SPAM1: variants seen among roughly 807,000 people sequenced by gnomAD.
SPAM1 encodes the protein hyaluronidase PH-20.
SPAM1 carries 22 observed loss-of-function variants against 29.6 expected under a neutral mutation model. The observed-to-expected ratio is 0.74, with a 90% confidence interval of 0.53 to 1.06. SPAM1 has a LOEUF of 1.06. Ranked by LOEUF, SPAM1 falls within the 50% of genes least tolerant of loss-of-function variation. The pLI is 0.00. For synonymous variants in SPAM1, 194 were observed against 204.6 expected (o/e 0.95, Z 0.44); for missense variants, 534 against 604.0 (o/e 0.88, Z 1.21).
intron 1 of SPAM1, among the ~76,000 whole-genome samples, chr7:123,930,696 G>A (rs1240884447): frequency 2.6e-5 from 4 of 152,182 alleles, no homozygotes; most frequent in Non-Finnish European, 5.9e-5. Flanking sequence ...ACTCCTTATA[G>A]ACTGGGACCT....
chr7:123,927,155 G>A (rs1807913078), intron 1 of SPAM1, among the ~76,000 whole-genome samples: 1 of 152,126 alleles, frequency 6.6e-6, no homozygotes, highest in African/African-American at 2.4e-5. Flanking sequence ...AGAATTTATT[G>A]TTTGTAGGGC....
At chr7:123,929,895 ATTTT>A (rs71163712) in intron 1 of SPAM1, among the ~76,000 whole-genome samples, 1 of 119,826 alleles carries the variant, frequency 8.3e-6, no homozygotes, top group African/African-American at 3.1e-5. Context: ...GTGTTTAGGG[ATTTT>A]TTTTTTTTTT....
downstream of SPAM1, among the ~76,000 whole-genome samples, chr7:123,961,328 C>A (rs980696051): frequency 6.6e-6 from 1 of 151,934 alleles, no homozygotes; most frequent in South Asian, 2.1e-4. Flanking sequence ...CTCCTCCCAT[C>A]CTTCCTACTC....
At chr7:123,930,662 G>A (rs1055802232) in intron 1 of SPAM1, among the ~76,000 whole-genome samples, 2 of 152,170 alleles carry the variant, frequency 1.3e-5, no homozygotes, top group African/African-American at 4.8e-5. Flanking sequence ...CACTGGCAAA[G>A]CAACAAGGGT....
At chr7:123,937,418 G>C (rs1028230076) in intron 1 of SPAM1, among the ~76,000 whole-genome samples, 1 of 151,842 alleles carries the variant, frequency 6.6e-6, no homozygotes, top group Admixed American at 6.6e-5. Context: ...TGGATAACAT[G>C]GTGAAATCCC....
intron 1 of SPAM1, among the ~76,000 whole-genome samples, chr7:123,930,579 A>C (rs1039638984): frequency 6.6e-6 from 1 of 152,220 alleles, no homozygotes; most frequent in Non-Finnish European, 1.5e-5. Flanking sequence ...TGTCATACAC[A>C]AGTGAGATGC....
At chr7:123,960,790 C>T (rs899389931), downstream of SPAM1, among the ~76,000 whole-genome samples, 4 of 151,602 alleles carry the variant, frequency 2.6e-5, no homozygotes, top group African/African-American at 9.7e-5. Context: ...TGCGGCATTA[C>T]ATTTTCCGTG....
At chr7:123,934,055 ATGT>A (rs1011140979) in intron 1 of SPAM1, among the ~76,000 whole-genome samples, 2 of 152,196 alleles carry the variant, frequency 1.3e-5, no homozygotes, top group Non-Finnish European at 1.5e-5. Context: ...GTACAATAAC[ATGT>A]TGTACAGATG....
chr7:123,929,751 C>T (rs920397593), intron 1 of SPAM1, among the ~76,000 whole-genome samples: 41 of 152,002 alleles, frequency 2.7e-4, no homozygotes, highest in African/African-American at 9.4e-4. Flanking sequence ...GCTGTGTATC[C>T]CTGGGGCCTC....
chr7:123,926,353 G>T (rs144834253), intron 1 of SPAM1, among the ~76,000 whole-genome samples: 1 of 152,128 alleles, frequency 6.6e-6, no homozygotes, highest in Admixed American at 6.5e-5. Flanking sequence ...GACTGTTTCT[G>T]TGACTCCATG....
At chr7:123,948,637 G>A (rs1187897253) in intron 1 of SPAM1, among the ~76,000 whole-genome samples, 1 of 152,024 alleles carries the variant, frequency 6.6e-6, no homozygotes, top group Non-Finnish European at 1.5e-5. Context: ...CTTTGGTAAT[G>A]TTATGGTTTG....
At chr7:123,925,538 G>C (rs1807850341) in intron 1 of SPAM1, 186 bp downstream of exon 1, 1 of 152,122 alleles carries the variant, frequency 6.6e-6, no homozygotes, top group Non-Finnish European at 1.5e-5. Flanking sequence ...TTTTGTGAGT[G>C]AGTGGTTTAT....
At chr7:123,926,073 T>G (rs1380126099) in intron 1 of SPAM1, 1 of 152,192 alleles carries the variant, frequency 6.6e-6, no homozygotes, top group East Asian at 1.9e-4. Flanking sequence ...ATGTGAGTTG[T>G]GCAAGAAACT....
intron 1 of SPAM1, among the ~76,000 whole-genome samples, chr7:123,926,597 G>T (rs948208355): frequency 1.3e-5 from 2 of 152,110 alleles, no homozygotes; most frequent in African/African-American, 4.8e-5. Context: ...CAAGGTGGTC[G>T]GGGTACAGTT....
At chr7:123,938,667 G>A (rs1808331278) in intron 1 of SPAM1, among the ~76,000 whole-genome samples, 1 of 152,172 alleles carries the variant, frequency 6.6e-6, no homozygotes, top group African/African-American at 2.4e-5. Context: ...TAGTAACTAT[G>A]ACTTTGGCAA....
chr7:123,931,745 T>C (rs1021347210), intron 1 of SPAM1, among the ~76,000 whole-genome samples: 1 of 152,172 alleles, frequency 6.6e-6, no homozygotes, highest in Non-Finnish European at 1.5e-5. Context: ...GTTCCTAGCC[T>C]TATGGTAGCC....
intron 1 of SPAM1, among the ~76,000 whole-genome samples, chr7:123,930,608 T>A (rs372766533): frequency 6.6e-6 from 1 of 152,174 alleles, no homozygotes; most frequent in East Asian, 1.9e-4. Context: ...ACAGACTCTC[T>A]AATCTGTGAT....
rs1460577541 is a variant in SPAM1, at chr7:123,953,400, C to T, written c.-171C>T. The T allele has an allele frequency of 2.1e-6, 1 of 471,764 alleles. No homozygotes were observed. The highest frequency in any genetic ancestry group is 3.7e-6 in the Non-Finnish European group (1 of 271,912). 29.2% of individuals were successfully genotyped at this position (471,764 alleles called of 1,614,324 possible). On this transcript the variant is annotated 5_prime_UTR_variant, in exon 3 of 5. Coordinates refer to ENST00000682466, the MANE Select transcript of SPAM1 (RefSeq NM_153189.3). ...TGCAACTTGAAAAACAATCCTGAAACATGAAACAAGAATAATAATATTTAA... is the reference window on the plus strand; with the variant it reads ...TGCAACTTGAAAAACAATCCTGAAATATGAAACAAGAATAATAATATTTAA...
At chr7:123,938,015 G>A (rs1808308360) in intron 1 of SPAM1, among the ~76,000 whole-genome samples, 1 of 151,984 alleles carries the variant, frequency 6.6e-6, no homozygotes, top group Non-Finnish European at 1.5e-5. Context: ...TAGAAAGAAT[G>A]GTGGCAGTTG....
Sources: gnomAD v4.1 joint callset for allele counts (sites outside exome capture counted in the v4.1 genomes callset) on GRCh38, gnomAD v4.1.1 for gene constraint, MANE v1.5 for transcripts, NCBI Gene and HGNC (gene_info 2026-07-23, HGNC 2026-07-21) for gene names.